RABGAP1L: variants seen among roughly 807,000 people sequenced by gnomAD.
The protein encoded by RABGAP1L is RAB GTPase activating protein 1 like, also known as rab GTPase-activating protein 1-like.
Under a neutral mutation model 137.7 loss-of-function variants are expected in RABGAP1L, and 63 were observed. That is an observed-to-expected ratio of 0.46 (90% CI 0.37 to 0.56). RABGAP1L has a LOEUF of 0.56. Among genes scored for constraint, RABGAP1L ranks in the 20% least tolerant of loss-of-function variants. RABGAP1L has a pLI of 0.00. For missense variants in RABGAP1L, 1,095 were observed against 1,244.0 expected (o/e 0.88, Z 1.80); for synonymous variants, 431 against 433.7 (o/e 0.99, Z 0.08).
At chr1:174,645,659 A>C (rs1470562673) in intron 14 of RABGAP1L, among the ~76,000 whole-genome samples, 2 of 152,134 alleles carry the variant, frequency 1.3e-5, no homozygotes, top group Non-Finnish European at 2.9e-5. Flanking sequence ...TGCTATTGTG[A>C]ATAGTGCTGC....
chr1:174,505,668 G>A (rs1030032202), intron 13 of RABGAP1L, among the ~76,000 whole-genome samples: 2 of 152,050 alleles, frequency 1.3e-5, no homozygotes, highest in Non-Finnish European at 1.5e-5. Flanking sequence ...ATGAGGATGT[G>A]GAGAAAAGGG....
intron 4 of RABGAP1L, among the ~76,000 whole-genome samples, chr1:174,231,664 AGGGAGGCCTCAGGAG>A (rs1426957067): frequency 1.3e-5 from 2 of 152,148 alleles, no homozygotes; most frequent in East Asian, 1.9e-4. Flanking sequence ...AGCTTCTGGG[AGGGAGGCCTCAGGAG>A]GGGAGGCCTC....
chr1:174,302,131 G>C (rs1057005456), intron 10 of RABGAP1L, among the ~76,000 whole-genome samples: 1 of 152,164 alleles, frequency 6.6e-6, no homozygotes, highest in Non-Finnish European at 1.5e-5. Context: ...TTGAATTCTT[G>C]CTATCCTTAT....
At chr1:174,233,151 C>A (rs1227750545) in intron 4 of RABGAP1L, among the ~76,000 whole-genome samples, 1 of 152,098 alleles carries the variant, frequency 6.6e-6, no homozygotes, top group Non-Finnish European at 1.5e-5. Flanking sequence ...AAGAGGACTC[C>A]CTTCTCTCTC....
chr1:174,942,508 T>C (rs979971194), intron 19 of RABGAP1L, among the ~76,000 whole-genome samples: 1 of 152,220 alleles, frequency 6.6e-6, no homozygotes, highest in African/African-American at 2.4e-5. Context: ...AAACCCAGAC[T>C]GCCTGGGTTC....
Position 174,448,966 on chromosome 1 carries a change from T to G in RABGAP1L, c.1710+54821T>G. The G allele has an allele frequency of 6.2e-7, 1 of 1,614,092 alleles. No individual in the cohort carries two copies. Among genetic ancestry groups the G allele is most frequent in the Non-Finnish European group, 8.5e-7 (1 of 1,179,940 alleles). ...TGTGGCTCCCCTATATAATTTACTT[T>G]CTTCTAGAAAGCTCCCGGGTCTTGG... On this transcript the variant is annotated intron_variant, in intron 13 of 25. Transcript: ENST00000681986. The surrounding 1 kb of genome is among the most constrained non-coding windows in gnomAD (Gnocchi z 4.2).
chr1:174,362,598 A>G lies in RABGAP1L; in HGVS notation c.1466-8381A>G, dbSNP rs536608088. Among the ~76,000 whole-genome samples, 6 of 152,260 alleles carry G rather than the reference A, an allele frequency of 3.9e-5. No individual in the cohort carries two copies. In the East Asian group the frequency reaches 5.8e-4, roughly 15 times the overall value. The stretch of plus-strand genomic sequence containing the variant: ...GTCTTTTTTTGAGAGATGTTCGTTC[A>G]TGTCCTTTGCCCACTTTTTAATGGG... On this transcript the variant is annotated intron_variant, in intron 11 of 25. Coordinates refer to ENST00000681986, the MANE Select transcript of RABGAP1L (RefSeq NM_001366446.1).
chr1:174,376,964 AAAAC>A (rs1685601250), intron 12 of RABGAP1L, among the ~76,000 whole-genome samples: 1 of 152,216 alleles, frequency 6.6e-6, no homozygotes, highest in Non-Finnish European at 1.5e-5. Context: ...AGGAATCTAC[AAAAC>A]AAACAAACAA....
intron 13 of RABGAP1L, among the ~76,000 whole-genome samples, chr1:174,434,337 A>G (rs1049954040): frequency 6.6e-6 from 1 of 152,100 alleles, no homozygotes; most frequent in Non-Finnish European, 1.5e-5. Flanking sequence ...ATTTCATTGT[A>G]TGGAAATATC....
chr1:174,863,716 T>C (rs1650710767), intron 19 of RABGAP1L, among the ~76,000 whole-genome samples: 1 of 149,750 alleles, frequency 6.7e-6, no homozygotes, highest in Non-Finnish European at 1.5e-5. Flanking sequence ...GCACAGTGGC[T>C]CACACCTGTA....
intron 7 of RABGAP1L, 42 bp downstream of exon 7, chr1:174,252,632 A>G (rs1341107494): frequency 6.3e-7 from 1 of 1,589,068 alleles, no homozygotes; most frequent in East Asian, 2.3e-5. Context: ...ACTTGTATTG[A>G]CATTGTTACT....
At chr1:174,429,463 C>T (rs893723091) in intron 13 of RABGAP1L, among the ~76,000 whole-genome samples, 5 of 152,098 alleles carry the variant, frequency 3.3e-5, no homozygotes, top group Non-Finnish European at 5.9e-5. Flanking sequence ...AATGGAGGGC[C>T]GGGCACGGTG....
chr1:174,984,148 G>C (rs1262567845), intron 24 of RABGAP1L, among the ~76,000 whole-genome samples: 1 of 150,274 alleles, frequency 6.7e-6, no homozygotes, highest in African/African-American at 2.5e-5. Flanking sequence ...TGCTGTGCCT[G>C]TTAACCCATC....
chr1:174,758,469 C>T (rs1684950548), intron 18 of RABGAP1L, among the ~76,000 whole-genome samples: 1 of 151,978 alleles, frequency 6.6e-6, no homozygotes, highest in Non-Finnish European at 1.5e-5. Context: ...CCTTCTGAGT[C>T]TCCAATGTCC....
intron 13 of RABGAP1L, among the ~76,000 whole-genome samples, chr1:174,430,722 G>A (rs1437411072): frequency 6.6e-6 from 1 of 152,166 alleles, no homozygotes; most frequent in African/African-American, 2.4e-5. Flanking sequence ...TCAGTAATAT[G>A]TAGGGTTGTC....
intron 1 of RABGAP1L, among the ~76,000 whole-genome samples, chr1:174,193,964 G>A (rs1571469612): frequency 6.6e-6 from 1 of 152,262 alleles, no homozygotes; most frequent in Non-Finnish European, 1.5e-5. Flanking sequence ...CCTGTGAGAT[G>A]GGAATATTTA....
intron 19 of RABGAP1L, among the ~76,000 whole-genome samples, chr1:174,833,468 A>ATATATATATATATATATATAT (rs1279866308): frequency 4.7e-4 from 50 of 107,290 alleles, no homozygotes; most frequent in Non-Finnish European, 5.5e-4. Flanking sequence ...ATATATATAT[A>ATATATATATATATATATATAT]GTAGAGACAG....
chr1:174,886,815 T>TC (rs1655233927), intron 19 of RABGAP1L, among the ~76,000 whole-genome samples: 1 of 151,762 alleles, frequency 6.6e-6, no homozygotes, highest in Non-Finnish European at 1.5e-5. Flanking sequence ...TTTAATTCTT[T>TC]TTTTTTTCTT....
At chr1:174,477,779 T>C (rs1467385593) in intron 13 of RABGAP1L, among the ~76,000 whole-genome samples, 1 of 152,200 alleles carries the variant, frequency 6.6e-6, no homozygotes, top group Non-Finnish European at 1.5e-5. Flanking sequence ...TATTTGACTC[T>C]ATACAAAATA....
Sources: gnomAD v4.1 joint callset for allele counts (sites outside exome capture counted in the v4.1 genomes callset) on GRCh38, gnomAD v4.1.1 for gene constraint, Gnocchi (gnomAD v3.1) non-coding constraint, MANE v1.5 for transcripts, NCBI Gene and HGNC (gene_info 2026-07-23, HGNC 2026-07-21) for gene names.